Variants in NOL12 observed in about 807,000 individuals in gnomAD.
NOL12 encodes the protein nucleolar protein 12.
In NOL12, 21 loss-of-function variants were observed where a neutral mutation model predicts 25.2. That is an observed-to-expected ratio of 0.83 (90% CI 0.59 to 1.20). The LOEUF (loss-of-function observed/expected upper bound fraction) is 1.20. Among genes scored for constraint, NOL12 ranks in the 50% most tolerant of loss-of-function variants. The probability of loss-of-function intolerance (pLI) is 0.00; values close to 1 mark genes in which losing one functional copy is unlikely to be tolerated. For missense variants in NOL12, 286 were observed against 287.6 expected, an observed-to-expected ratio of 0.99 and a Z score of 0.04; for synonymous variants, 133 against 113.8, an observed-to-expected ratio of 1.17 and a Z score of -1.08.
intron 1 of NOL12, chr22:37,687,084 C>G (rs1046921523): frequency 1.8e-5 from 18 of 985,294 alleles, no homozygotes; most frequent in Non-Finnish European, 2.0e-5. Flanking sequence ...CAGGAAACTC[C>G]TAGCGTGCAT....
rs912858802 is a variant in NOL12 at position 37,692,135 on chromosome 22, T to C, written c.*799T>C. On this transcript the variant is annotated 3_prime_UTR_variant, in exon 6 of 6. Transcript: ENST00000359114. The stretch of plus-strand genomic sequence containing the variant: ...ACTTTGGGAGGCCCAGGCGGGCAGA[T>C]CACTTAAGGTCGGGAGCTCGAGACC... The C allele has an allele frequency of 5.8e-5, 10 of 171,750 alleles. No homozygotes were observed. 10.6% of individuals were successfully genotyped at this position (171,750 alleles called of 1,614,324 possible).
At chr22:37,690,952 A>G in intron 5 of NOL12, 158 bp downstream of exon 5, 1 of 667,668 alleles carries the variant, frequency 1.5e-6, no homozygotes, top group Non-Finnish European at 2.5e-6. Context: ...TGTCCCACCC[A>G]CCCCTGATAG....
chr22:37,688,075 T>A, intron 2 of NOL12, 60 bp downstream of exon 2: 1 of 1,429,940 alleles, frequency 7.0e-7, no homozygotes, highest in South Asian at 1.2e-5. Flanking sequence ...CAGCCTTGGA[T>A]TTCCCTAATA....
chr22:37,688,779 G>C, intron 3 of NOL12, 71 bp from the exon 4 acceptor site: 1 of 1,560,422 alleles, frequency 6.4e-7, no homozygotes, highest in Admixed American at 1.7e-5. Flanking sequence ...CTGCACTCCA[G>C]GGCGGGAGGG....
At chr22:37,689,855 C>T (rs897977328) in intron 4 of NOL12, among the ~76,000 whole-genome samples, 4 of 152,010 alleles carry the variant, frequency 2.6e-5, no homozygotes, top group African/African-American at 9.7e-5. Context: ...ATGGTGAAAC[C>T]CCGTCTCTAT....
At chr22:37,687,367 C>T (rs1220468234) in intron 1 of NOL12, among the ~76,000 whole-genome samples, 2 of 146,370 alleles carry the variant, frequency 1.4e-5, no homozygotes. Flanking sequence ...TAAATGTATC[C>T]TTTCTCTAAC....
At chr22:37,688,036 A>C in intron 2 of NOL12, 21 bp downstream of exon 2, 52 of 744,620 alleles carry the variant, frequency 7.0e-5, no homozygotes, top group Non-Finnish European at 1.0e-4. Context: ...GGAAGGTGGG[A>C]GGGAGGTCTT....
At chr22:37,686,558 G>A in intron 1 of NOL12, 83 bp downstream of exon 1, 1 of 1,428,808 alleles carries the variant, frequency 7.0e-7, no homozygotes, top group Non-Finnish European at 9.1e-7. Context: ...CGCTCCCGCC[G>A]GGGGCTCTTC....
Position 37,692,864 on chromosome 22 carries a change from C to A in NOL12, c.*1528C>A, listed in dbSNP as rs1241639617. On this transcript the variant is annotated 3_prime_UTR_variant, in exon 6 of 6. Coordinates refer to ENST00000359114, the MANE Select transcript of NOL12 (RefSeq NM_024313.3). The stretch of plus-strand genomic sequence containing the variant: ...GTACCTGGGAGTGGGCAGGCCCTCT[C>A]CCATGTCACCATCAAAACCCACTGA... 1 of 397,010 alleles carries A rather than the reference C, an allele frequency of 2.5e-6. No homozygotes were observed. The highest frequency in any genetic ancestry group is 4.4e-6 in the Non-Finnish European group (1 of 225,676). 24.6% of individuals were successfully genotyped at this position (397,010 alleles called of 1,614,324 possible).
chr22:37,686,844 C>T, intron 1 of NOL12: 1 of 985,462 alleles, frequency 1.0e-6, no homozygotes, highest in South Asian at 4.7e-5. Context: ...CATTCATTCG[C>T]TCCCTAGACA....
At position 37,692,902 on chromosome 22, in the gene NOL12, G is replaced by A; in HGVS notation, c.*1566G>A. The A allele has an allele frequency of 2.5e-6, 1 of 394,490 alleles. No individual in the cohort carries two copies. The highest frequency in any genetic ancestry group is 4.4e-5 in the Admixed American group (1 of 22,590). 24.4% of individuals were successfully genotyped at this position (394,490 alleles called of 1,614,324 possible). The stretch of plus-strand genomic sequence containing the variant: ...CAAAACCCACTGATGAAGGCTGGTG[G>A]GAGTCTGAGGGCTGCACCCGGGTAT... On this transcript the variant is annotated 3_prime_UTR_variant, in exon 6 of 6. Transcript: ENST00000359114.
In NOL12 at chr22:37,692,340, T is replaced by C. The variant is rs1345624685; in HGVS notation, c.*1004T>C. On this transcript the variant is annotated 3_prime_UTR_variant, in exon 6 of 6. Transcript: ENST00000359114. ...CCATTGCACTCCAGCCTGGGCAACG[T>C]TGTGACCTTGTCTCAAAAAAAAACT... The C allele has an allele frequency of 6.8e-5, 27 of 395,556 alleles. No individual in the cohort carries two copies. In the East Asian group the frequency reaches 7.2e-4, roughly 10 times the overall value. 24.5% of individuals were successfully genotyped at this position (395,556 alleles called of 1,614,324 possible). A position where few individuals can be genotyped will look rare whatever the true frequency, so the allele number is the denominator to read the frequency against.
chr22:37,689,003 GTC>G lies in NOL12; in HGVS notation c.381+14_381+15del. ...CTGACCCCACCTGAGGTGGGTCCCA[GTC>G]TCAGCCCTGGGAGGAAGGGGCGTGG... On this transcript the variant is annotated intron_variant, in intron 4 of 5. Coordinates refer to ENST00000359114, the MANE Select transcript of NOL12 (RefSeq NM_024313.3). The G allele has an allele frequency of 6.2e-7, 1 of 1,609,936 alleles. No homozygotes were observed. Among genetic ancestry groups the G allele is most frequent in the Non-Finnish European group, 8.5e-7 (1 of 1,179,918 alleles).
At chr22:37,687,658 A>G (rs1921880487) in intron 1 of NOL12, 10 of 324,774 alleles carry the variant, frequency 3.1e-5, no homozygotes, top group South Asian at 3.0e-4. Flanking sequence ...GAGTTTCACC[A>G]TGTTTGCCAG....
At chr22:37,691,131 C>T in intron 5 of NOL12, 43 bp from the exon 6 acceptor site, 3 of 1,558,696 alleles carry the variant, frequency 1.9e-6, no homozygotes, top group Non-Finnish European at 2.6e-6. Context: ...GGTGAGTCAC[C>T]CCACAATGCA....
chr22:37,686,802 G>A (rs188400446), intron 1 of NOL12: 1 of 985,476 alleles, frequency 1.0e-6, no homozygotes, highest in African/African-American at 1.7e-5. Flanking sequence ...GTTGATAAAT[G>A]ATGAGCCAAT....
At position 37,688,927 on chromosome 22, in the gene NOL12, A is replaced by G. The variant is rs1338793528; in HGVS notation, c.316A>G (p.Thr106Ala). 5 of 1,613,732 alleles carry G rather than the reference A, an allele frequency of 3.1e-6. No homozygotes were observed. Among genetic ancestry groups the G allele is most frequent in the Non-Finnish European group, 4.2e-6 (5 of 1,179,988 alleles). ...VQYDHPNHTV[T>A]VTTISDLDLS... ...GTATGACCACCCCAACCACACAGTC[A>G]CCGTGACCACCATCAGTGACCTGGA... is the stretch of plus-strand genomic sequence containing the variant. The change falls in exon 4 of 6, where the codon ACC becomes GCC. Residue 106 changes from threonine (T) to alanine (A), a missense_variant. By Grantham distance (58) the Thr-to-Ala change is moderately conservative. Transcript: ENST00000359114.
At chr22:37,687,131 C>G in intron 1 of NOL12, 3 of 977,266 alleles carry the variant, frequency 3.1e-6, no homozygotes, top group South Asian at 4.7e-5. Flanking sequence ...GTCAGGTGTC[C>G]TGGGGACATG....
rs1922146921 is a variant in NOL12 at position 37,693,211 on chromosome 22, CCT to C, written c.*1880_*1881del. 6.5e-6 allele frequency: 1 copy of C among 153,172 alleles called. No homozygotes were observed. The highest frequency in any genetic ancestry group is 2.4e-5 in the African/African-American group (1 of 41,514). The allele number at this position is 153,172 out of a possible 1,614,324, so 9.5% of individuals were successfully genotyped here. A position where few individuals can be genotyped will look rare whatever the true frequency, so the allele number is the denominator to read the frequency against. ...GCTGCATGAGCTTCTGCTGTGCTGA[CCT>C]CTCTGGTTTGTCTCGTCATGTGTAA... On this transcript the variant is annotated 3_prime_UTR_variant, in exon 6 of 6. Transcript: ENST00000359114.
Sources: gnomAD v4.1 joint callset for allele counts (sites outside exome capture counted in the v4.1 genomes callset) on GRCh38, gnomAD v4.1.1 for gene constraint, MANE v1.5 for transcripts, NCBI Gene and HGNC (gene_info 2026-07-23, HGNC 2026-07-21) for gene names.